The following IGF2BP3 variants were observed in gnomAD, a reference collection of about 807,000 sequenced individuals.
IGF2BP3 encodes the protein insulin like growth factor 2 mRNA binding protein 3.
A neutral mutation model predicts 73.8 loss-of-function variants in IGF2BP3; 9 were observed. The ratio of observed to expected loss-of-function variants is 0.12; its 90% CI spans 0.07 to 0.21. IGF2BP3 has a LOEUF of 0.21. Ranked by LOEUF, IGF2BP3 falls within the 10% of genes least tolerant of loss-of-function variation. IGF2BP3 has a pLI of 1.00. For synonymous variants in IGF2BP3, 258 were observed against 256.7 expected, an observed-to-expected ratio of 1.01 and a Z score of -0.05; for missense variants, 542 against 714.0, an observed-to-expected ratio of 0.76 and a Z score of 2.75.
intron 2 of IGF2BP3, among the ~76,000 whole-genome samples, chr7:23,451,118 TTTATA>T (rs1430638652): frequency 6.6e-6 from 1 of 151,830 alleles, no homozygotes; most frequent in Non-Finnish European, 1.5e-5. Context: ...ACAGTTCTCT[TTTATA>T]AGAGTGTTTT....
chr7:23,381,950 C>T (rs1304623871), intron 3 of IGF2BP3, among the ~76,000 whole-genome samples: 1 of 152,118 alleles, frequency 6.6e-6, no homozygotes, highest in Non-Finnish European at 1.5e-5. Flanking sequence ...AACATTTGCA[C>T]TGTTCATTAA....
At chr7:23,356,513 T>C (rs1785100358) in intron 5 of IGF2BP3, among the ~76,000 whole-genome samples, 1 of 152,176 alleles carries the variant, frequency 6.6e-6, no homozygotes, top group Admixed American at 6.5e-5. Context: ...GCCATGATTG[T>C]GCCACTGCAC....
rs560966229 is a variant in IGF2BP3, at chr7:23,328,022, G to A, written c.1204-8768C>T. ...ACCCTGTTTGGTAGGAATTTTAATCGTGTTTATTTAAATCTGAGAGTCTCT... is the reference window on the plus strand; with the variant it reads ...ACCCTGTTTGGTAGGAATTTTAATCATGTTTATTTAAATCTGAGAGTCTCT... On this transcript the variant is annotated intron_variant, in intron 10 of 14. Coordinates refer to ENST00000258729, the MANE Select transcript of IGF2BP3 (RefSeq NM_006547.3). Among the ~76,000 whole-genome samples the A allele has an allele frequency of 1.1e-4, 17 of 152,132 alleles. No individual in the cohort carries two copies. The South Asian group carries it at 2.9e-3, about 26-fold the overall frequency.
At chr7:23,468,042 C>T (rs1276636510) in intron 2 of IGF2BP3, 6 of 195,804 alleles carry the variant, frequency 3.1e-5, no homozygotes, top group Non-Finnish European at 6.4e-5. Flanking sequence ...CGCCCACGGC[C>T]TCCCAACCCC....
intron 2 of IGF2BP3, among the ~76,000 whole-genome samples, chr7:23,447,009 C>G (rs1412687971): frequency 1.3e-5 from 2 of 152,024 alleles, no homozygotes; most frequent in African/African-American, 4.8e-5. Context: ...TCAAGCCCAG[C>G]CTGCCCAACA....
intron 3 of IGF2BP3, among the ~76,000 whole-genome samples, chr7:23,374,161 A>G (rs1243602898): frequency 6.6e-6 from 1 of 152,242 alleles, no homozygotes; most frequent in Non-Finnish European, 1.5e-5. Flanking sequence ...TCAAAGAAGT[A>G]CTTCTACACC....
At chr7:23,358,674 G>A (rs1338917964) in intron 5 of IGF2BP3, among the ~76,000 whole-genome samples, 3 of 152,202 alleles carry the variant, frequency 2.0e-5, no homozygotes, top group African/African-American at 7.2e-5. Flanking sequence ...TACACCCAAT[G>A]CCTCTCAAAT....
intron 10 of IGF2BP3, among the ~76,000 whole-genome samples, chr7:23,324,254 A>T (rs1339576169): frequency 1.3e-5 from 2 of 150,998 alleles, no homozygotes; most frequent in African/African-American, 2.4e-5. Flanking sequence ...CACCGATCCC[A>T]CAGAAATACA....
At chr7:23,375,502 G>A (rs926139086) in intron 3 of IGF2BP3, among the ~76,000 whole-genome samples, 2 of 152,148 alleles carry the variant, frequency 1.3e-5, no homozygotes, top group East Asian at 1.9e-4. Context: ...GAGAATCCTA[G>A]AAGCAAACAC....
intron 2 of IGF2BP3, among the ~76,000 whole-genome samples, chr7:23,443,068 A>G (rs1584050020): frequency 6.7e-6 from 1 of 149,108 alleles, no homozygotes; most frequent in African/African-American, 2.5e-5. Context: ...AGTAAACCGT[A>G]TCAATCAGAT....
At chr7:23,417,420 GAA>G (rs1018335470) in intron 3 of IGF2BP3, among the ~76,000 whole-genome samples, 13 of 152,152 alleles carry the variant, frequency 8.5e-5, no homozygotes, top group African/African-American at 3.1e-4. Context: ...CAAAAATTAA[GAA>G]AAGTTAGATA....
chr7:23,430,594 A>G (rs1787650382), intron 2 of IGF2BP3, among the ~76,000 whole-genome samples: 1 of 152,230 alleles, frequency 6.6e-6, no homozygotes, highest in Non-Finnish European at 1.5e-5. Context: ...ATATGGCTAT[A>G]CTGTAATTAC....
chr7:23,375,287 C>T (rs1785683463), intron 3 of IGF2BP3, among the ~76,000 whole-genome samples: 1 of 152,270 alleles, frequency 6.6e-6, no homozygotes, highest in African/African-American at 2.4e-5. Flanking sequence ...TTGGTAAATG[C>T]AAACCTTTGG....
chr7:23,448,326 T>A (rs1788113051), intron 2 of IGF2BP3, among the ~76,000 whole-genome samples: 3 of 152,240 alleles, frequency 2.0e-5, no homozygotes, highest in African/African-American at 7.2e-5. Context: ...TATCGATAGA[T>A]GCCCAGATGT....
At chr7:23,458,705 T>G (rs952775149) in intron 2 of IGF2BP3, among the ~76,000 whole-genome samples, 1 of 152,240 alleles carries the variant, frequency 6.6e-6, no homozygotes, top group Non-Finnish European at 1.5e-5. Flanking sequence ...CTCATTTTTC[T>G]GTCTTAAAAC....
intron 10 of IGF2BP3, among the ~76,000 whole-genome samples, chr7:23,320,319 C>T (rs75115455): frequency 0.039 from 5,925 of 152,218 alleles, 365 homozygotes; most frequent in African/African-American, 0.13. Context: ...TTCACTACTT[C>T]CCACTTCAAG....
At chr7:23,461,737 C>T (rs1411809383) in intron 2 of IGF2BP3, among the ~76,000 whole-genome samples, 1 of 152,156 alleles carries the variant, frequency 6.6e-6, no homozygotes, top group Non-Finnish European at 1.5e-5. Context: ...CTGTTGCAAG[C>T]ATTTTGAAAC....
intron 2 of IGF2BP3, among the ~76,000 whole-genome samples, chr7:23,460,995 A>T (rs538989649): frequency 9.2e-5 from 14 of 152,290 alleles, no homozygotes; most frequent in African/African-American, 3.4e-4. Flanking sequence ...CAAAAATTGA[A>T]TAAATGAATT....
chr7:23,455,995 C>G (rs1788308156), intron 2 of IGF2BP3, among the ~76,000 whole-genome samples: 1 of 152,104 alleles, frequency 6.6e-6, no homozygotes, highest in South Asian at 2.1e-4. Flanking sequence ...GGGTCTTACT[C>G]TTCTTTCTAG....
Sources: allele counts gnomAD v4.1 joint callset (sites outside exome capture counted in the v4.1 genomes callset), GRCh38; gene constraint gnomAD v4.1.1; transcripts MANE v1.5; gene names NCBI Gene and HGNC (gene_info 2026-07-23, HGNC 2026-07-21).